The following ADGRV1 variants were observed in gnomAD, a reference collection of about 807,000 sequenced individuals.
ADGRV1 encodes the protein adhesion G protein-coupled receptor V1.
A neutral mutation model predicts 596.2 loss-of-function variants in ADGRV1; 359 were observed. The ratio of observed to expected loss-of-function variants is 0.60; its 90% CI spans 0.55 to 0.66. The LOEUF is 0.66. Ranked by LOEUF, ADGRV1 falls within the 30% of genes least tolerant of loss-of-function variation. The pLI, the probability that ADGRV1 is intolerant of heterozygous loss-of-function variation, is 0.00. For synonymous variants in ADGRV1, 2,681 were observed against 2,679.2 expected, an observed-to-expected ratio of 1.00 and a Z score of -0.02; for missense variants, 7,274 against 7,575.6, an observed-to-expected ratio of 0.96 and a Z score of 1.48.
At chr5:90,622,529 A>G (rs534742658) in intron 4 of ADGRV1, 68 bp from the exon 5 acceptor site, 16 of 558,094 alleles carry the variant, frequency 2.9e-5, no homozygotes, top group South Asian at 1.9e-4. Flanking sequence ...TTCTGAGGTA[A>G]TAGTTTTTAC....
intron 83 of ADGRV1, among the ~76,000 whole-genome samples, chr5:90,956,930 T>G (rs1478493545): frequency 6.6e-6 from 1 of 152,140 alleles, no homozygotes; most frequent in African/African-American, 2.4e-5. Flanking sequence ...TGTTAAGATT[T>G]AGTATTGACA....
intron 86 of ADGRV1, among the ~76,000 whole-genome samples, chr5:91,084,665 G>A (rs1582007648): frequency 6.6e-6 from 1 of 152,228 alleles, no homozygotes; most frequent in Non-Finnish European, 1.5e-5. Context: ...GTGGAAGACA[G>A]TGTGGTGATT....
At chr5:90,690,212 A>T in intron 30 of ADGRV1, 136 bp downstream of exon 30, 2 of 609,424 alleles carry the variant, frequency 3.3e-6, no homozygotes, top group South Asian at 4.2e-5. Flanking sequence ...CATATAGGAC[A>T]TCTGTACACA....
chr5:91,008,544 C>G (rs938372374), intron 85 of ADGRV1, among the ~76,000 whole-genome samples: 6 of 151,992 alleles, frequency 3.9e-5, no homozygotes, highest in African/African-American at 1.5e-4. Flanking sequence ...CGCTCTGTCA[C>G]CCAGGCTGGA....
chr5:91,151,676 A>G (rs1477984949), intron 88 of ADGRV1, among the ~76,000 whole-genome samples: 2 of 152,212 alleles, frequency 1.3e-5, no homozygotes, highest in African/African-American at 4.8e-5. Flanking sequence ...AATAACCATT[A>G]GCTGCATGTG....
At chr5:90,667,123 C>T (rs1441329782) in intron 21 of ADGRV1, among the ~76,000 whole-genome samples, 5 of 150,780 alleles carry the variant, frequency 3.3e-5, no homozygotes, top group South Asian at 4.3e-4. Flanking sequence ...ATCTTTGTGG[C>T]GTTCTCTGTA....
chr5:91,097,662 G>A (rs889178589), intron 86 of ADGRV1, among the ~76,000 whole-genome samples: 2 of 152,048 alleles, frequency 1.3e-5, no homozygotes, highest in Non-Finnish European at 2.9e-5. Flanking sequence ...TGTTTTCCAC[G>A]GCAGTTGTGC....
intron 84 of ADGRV1, among the ~76,000 whole-genome samples, chr5:90,982,658 T>C (rs1190185420): frequency 1.3e-5 from 2 of 152,250 alleles, no homozygotes; most frequent in African/African-American, 4.8e-5. Flanking sequence ...CCCTCATGGC[T>C]ACGCCCTTTC....
At chr5:90,832,033 A>G (rs114035126) in intron 77 of ADGRV1, among the ~76,000 whole-genome samples, 395 of 152,332 alleles carry the variant, frequency 2.6e-3, no homozygotes, top group African/African-American at 9.2e-3. Flanking sequence ...GTGTTGCAAC[A>G]AACATGAGAG....
intron 82 of ADGRV1, among the ~76,000 whole-genome samples, chr5:90,862,666 A>G (rs1158785728): frequency 6.6e-6 from 1 of 152,164 alleles, no homozygotes; most frequent in Non-Finnish European, 1.5e-5. Flanking sequence ...TTCCCAAAAA[A>G]CGGATTGCTC....
At chr5:90,737,131 A>T (rs1390149657) in intron 50 of ADGRV1, among the ~76,000 whole-genome samples, 1 of 151,814 alleles carries the variant, frequency 6.6e-6, no homozygotes, top group Non-Finnish European at 1.5e-5. Flanking sequence ...GCTGCATACC[A>T]TACATTTTAG....
intron 87 of ADGRV1, among the ~76,000 whole-genome samples, chr5:91,123,660 T>C (rs113872773): frequency 2.6e-5 from 4 of 152,352 alleles, no homozygotes; most frequent in African/African-American, 9.6e-5. Context: ...AAATCTCGTT[T>C]TCTGAATTGA....
At chr5:90,693,225 T>TACAGTCATA (rs1554084696) in intron 32 of ADGRV1, among the ~76,000 whole-genome samples, 1 of 13,724 alleles carries the variant, frequency 7.3e-5, no homozygotes, top group Non-Finnish European at 1.1e-4. Context: ...TTGTGACAAG[T>TACAGTCATA]CCCTGGTATC....
At chr5:90,829,462 T>C (rs1238399260) in intron 77 of ADGRV1, among the ~76,000 whole-genome samples, 1 of 152,214 alleles carries the variant, frequency 6.6e-6, no homozygotes, top group Non-Finnish European at 1.5e-5. Context: ...TTATAAAATC[T>C]CTAGGGAGTT....
At chr5:91,065,071 A>C (rs544046412) in intron 85 of ADGRV1, among the ~76,000 whole-genome samples, 2 of 152,188 alleles carry the variant, frequency 1.3e-5, no homozygotes, top group Non-Finnish European at 2.9e-5. Context: ...AACTAATAAA[A>C]CCAATAAGCA....
In ADGRV1 at chr5:90,658,128, C is replaced by T. The variant is rs768284712; in HGVS notation, c.4602C>T (p.Asp1534=). Residue 1534 remains aspartate, a synonymous_variant, in exon 21 of 90, where the codon GAC becomes GAT. Coordinates refer to ENST00000405460, the MANE Select transcript of ADGRV1 (RefSeq NM_032119.4). ...SFIISARDDN[D]EEGEELFILK... ...TTATTTCTGCAAGAGATGACAATGA[C>T]GAGGAAGGAGAAGAATTATTCATTC... 6.8e-6 allele frequency: 11 copies of T among 1,613,222 alleles called. No homozygotes were observed. The highest frequency in any genetic ancestry group is 5.0e-5 in the Admixed American group (3 of 59,986).
intron 84 of ADGRV1, among the ~76,000 whole-genome samples, chr5:90,982,739 G>T (rs908060651): frequency 1.5e-5 from 1 of 67,846 alleles, no homozygotes; most frequent in African/African-American, 8.9e-5. Flanking sequence ...TAGATGATTG[G>T]CTCAGCCGGG....
Position 90,653,815 on chromosome 5 carries a change from C to G in ADGRV1, c.4241C>G (p.Thr1414Arg), listed in dbSNP as rs1470113140. ...AATGCTACATACATTGCCAAGACAACAGTCATGAAATATTTAGAAGAAAGT... is the reference window on the plus strand; with the variant it reads ...AATGCTACATACATTGCCAAGACAAGAGTCATGAAATATTTAGAAGAAAGT... ...GSNATYIAKT[T>R]VMKYLEESVW... Residue 1414 changes from threonine (T) to arginine (R), a missense_variant, in exon 20 of 90, where the codon ACA (threonine) becomes AGA (arginine). Around this residue, in one of 5 missense-constraint regions of ADGRV1, gnomAD observed 1,715 missense variants for 1,708.8 expected, o/e 1.00. Transcript: ENST00000405460. The G allele has an allele frequency of 6.2e-7, 1 of 1,613,348 alleles. No homozygotes were observed. Among genetic ancestry groups the G allele is most frequent in the African/African-American group, 1.3e-5 (1 of 75,006 alleles).
chr5:90,791,620 C>A, intron 70 of ADGRV1: 2 of 402,650 alleles, frequency 5.0e-6, no homozygotes, highest in Non-Finnish European at 9.1e-6. Context: ...CAGTGGTGTG[C>A]ATATACACCT....
Sources: allele counts gnomAD v4.1 joint callset (sites outside exome capture counted in the v4.1 genomes callset), GRCh38; gene constraint gnomAD v4.1.1; regional missense constraint gnomAD v4.1.1; transcripts MANE v1.5; gene names NCBI Gene and HGNC (gene_info 2026-07-23, HGNC 2026-07-21).